The following PPP1R12B variants were observed in gnomAD, a reference collection of about 807,000 sequenced individuals.
PPP1R12B encodes the protein protein phosphatase 1 regulatory subunit 12B.
In PPP1R12B, 76 loss-of-function variants were observed where a neutral mutation model predicts 126.1. The ratio of observed to expected loss-of-function variants is 0.60; its 90% CI spans 0.50 to 0.73. The LOEUF (loss-of-function observed/expected upper bound fraction) is 0.73, where lower values mean the gene tolerates loss of function less well. PPP1R12B is among the 30% of genes least tolerant of loss of function. The probability of loss-of-function intolerance (pLI) is 0.00; values close to 1 mark genes in which losing one functional copy is unlikely to be tolerated. For synonymous variants in PPP1R12B, 356 were observed against 434.7 expected (o/e 0.82, Z 2.25); for missense variants, 1,052 against 1,205.1 (o/e 0.87, Z 1.88).
At chr1:202,534,606 A>G (rs1684342413) in intron 18 of PPP1R12B, among the ~76,000 whole-genome samples, 2 of 144,364 alleles carry the variant, frequency 1.4e-5, no homozygotes, top group South Asian at 4.3e-4. Context: ...TTCTCTAACA[A>G]TGAGAAACCT....
chr1:202,379,240 T>A (rs923026659), intron 1 of PPP1R12B, among the ~76,000 whole-genome samples: 2 of 152,200 alleles, frequency 1.3e-5, no homozygotes, highest in African/African-American at 4.8e-5. Context: ...TTTCTCTTCT[T>A]GAAAAGAAAT....
chr1:202,428,053 C>CT (rs1471454830), intron 5 of PPP1R12B, among the ~76,000 whole-genome samples: 4 of 150,668 alleles, frequency 2.7e-5, no homozygotes, highest in Non-Finnish European at 3.0e-5. Flanking sequence ...CAAGTGATTC[C>CT]CAGCCTTGCC....
intron 10 of PPP1R12B, chr1:202,438,865 G>C (rs1671207759): frequency 8.0e-7 from 1 of 1,252,676 alleles, no homozygotes; most frequent in African/African-American, 1.5e-5. Flanking sequence ...TCCATCTACT[G>C]CTATAGCCCC....
At chr1:202,514,975 A>C (rs1448975844) in intron 18 of PPP1R12B, among the ~76,000 whole-genome samples, 3 of 152,236 alleles carry the variant, frequency 2.0e-5, no homozygotes, top group Non-Finnish European at 2.9e-5. Context: ...AAAAAGAGTG[A>C]GATCATGTCT....
chr1:202,494,274 A>T (rs1224188655), intron 15 of PPP1R12B, among the ~76,000 whole-genome samples: 3 of 152,162 alleles, frequency 2.0e-5, no homozygotes, highest in Non-Finnish European at 4.4e-5. Flanking sequence ...CATTTTCTTA[A>T]TTTAATCCTC....
chr1:202,439,024 C>T (rs753091937), intron 10 of PPP1R12B: 208 of 1,383,390 alleles, frequency 1.5e-4, no homozygotes, highest in Non-Finnish European at 2.0e-4. Flanking sequence ...GCAGTGCCCA[C>T]TACCAGTGGG....
rs1679132165 is a variant in PPP1R12B, at chr1:202,493,298, GC to G, written c.2127del (p.Arg710GlyfsTer12). The G allele has an allele frequency of 6.2e-7, 1 of 1,612,152 alleles. No homozygotes were observed. The highest frequency in any genetic ancestry group is 8.5e-7 in the Non-Finnish European group (1 of 1,179,758). On this transcript the variant is annotated frameshift_variant, in exon 15 of 24. Coordinates refer to ENST00000608999, the MANE Select transcript of PPP1R12B (RefSeq NM_002481.4). LOFTEE classifies it high-confidence loss of function. ...TEAGEGQQPW[G>X]RSLDEEPICH... Reference sequence around the variant, plus strand: ...GCTGGGGAGGGCCAGCAGCCCTGGGGCAGGAGTCTGGATGAAGAGGTGAGCT... The same window carrying G: ...GCTGGGGAGGGCCAGCAGCCCTGGGGAGGAGTCTGGATGAAGAGGTGAGCT...
In PPP1R12B at chr1:202,422,439, G is replaced by A. The variant is rs1285466728; in HGVS notation, c.423-181G>A. 2.6e-5 allele frequency among the ~76,000 whole-genome samples: 4 copies of A among 152,136 alleles called. No individual in the cohort carries two copies. The East Asian group carries it at 7.7e-4, about 29-fold the overall frequency. ...TGGCATTGCTCTAGTCAGGAAATGG[G>A]GAAGCCTTCAGTCTTAATTATTGAA... On this transcript the variant is annotated intron_variant, in intron 2 of 23. Transcript: ENST00000608999.
intron 23 of PPP1R12B, among the ~76,000 whole-genome samples, chr1:202,574,275 T>G (rs1018530302): frequency 6.6e-6 from 1 of 152,130 alleles, no homozygotes; most frequent in South Asian, 2.1e-4. Flanking sequence ...TTTGGGAGGC[T>G]AAGGCAGGAG....
rs553608968 is a variant in PPP1R12B, at chr1:202,582,547, C to G, written c.*1987C>G. The G allele has an allele frequency of 3.3e-5, 5 of 152,598 alleles. No individual in the cohort carries two copies. In the South Asian group the frequency reaches 8.3e-4, roughly 25 times the overall value. The allele number at this position is 152,598 out of a possible 1,614,324, so 9.5% of individuals were successfully genotyped here. A position where few individuals can be genotyped will look rare whatever the true frequency, so the allele number is the denominator to read the frequency against. On this transcript the variant is annotated 3_prime_UTR_variant, in exon 24 of 24. Coordinates refer to ENST00000608999, the MANE Select transcript of PPP1R12B (RefSeq NM_002481.4). ...ATGACATGTAGCTCTCCATGGTCCTCCCTCTGAAACACCACATGCTGTTTA... is the reference window on the plus strand; with the variant it reads ...ATGACATGTAGCTCTCCATGGTCCTGCCTCTGAAACACCACATGCTGTTTA...
chr1:202,374,721 G>A (rs987051795), intron 1 of PPP1R12B, among the ~76,000 whole-genome samples: 1 of 151,066 alleles, frequency 6.6e-6, no homozygotes, highest in African/African-American at 2.4e-5. Context: ...GGCTGGCCTC[G>A]AACTCCTAAT....
At position 202,445,254 on chromosome 1, in the gene PPP1R12B, T is replaced by A. The variant is rs577571032; in HGVS notation, c.1667+2682T>A. The A allele has an allele frequency of 1.8e-4, 225 of 1,238,940 alleles. No individual in the cohort carries two copies. The African/African-American group carries it at 2.5e-3, about 14-fold the overall frequency. 76.7% of individuals were successfully genotyped at this position (1,238,940 alleles called of 1,614,324 possible). On this transcript the variant is annotated intron_variant, in intron 12 of 23. Coordinates refer to ENST00000608999, the MANE Select transcript of PPP1R12B (RefSeq NM_002481.4). ...GTAAGGCTTCTTGAAGCCATTTGAG[T>A]TGCATTCATCAAAGTTAATGGCTCT...
Position 202,580,584 on chromosome 1 carries a change from A to C in PPP1R12B, c.*24A>C. ...AGGCTAGGCTCCAGATTTATGAGGA[A>C]AGAAAGGGACAGCATTTGCTGCCCC... On this transcript the variant is annotated 3_prime_UTR_variant, in exon 24 of 24. Coordinates refer to ENST00000608999, the MANE Select transcript of PPP1R12B (RefSeq NM_002481.4). The C allele has an allele frequency of 6.3e-7, 1 of 1,584,168 alleles. No individual in the cohort carries two copies. Among genetic ancestry groups the C allele is most frequent in the Non-Finnish European group, 8.7e-7 (1 of 1,152,716 alleles).
intron 12 of PPP1R12B, among the ~76,000 whole-genome samples, chr1:202,447,239 T>C (rs1293110009): frequency 6.6e-6 from 1 of 152,234 alleles, no homozygotes; most frequent in African/African-American, 2.4e-5. Flanking sequence ...CCCCCTATTA[T>C]ATGAAGTATT....
At chr1:202,372,832 A>G (rs1353667980) in intron 1 of PPP1R12B, among the ~76,000 whole-genome samples, 2 of 152,172 alleles carry the variant, frequency 1.3e-5, no homozygotes, top group African/African-American at 2.4e-5. Context: ...GTTTTTAAAA[A>G]GTAGTAGTAG....
chr1:202,446,234 CTCTATA>C (rs1161835638), intron 12 of PPP1R12B, among the ~76,000 whole-genome samples: 36 of 88,370 alleles, frequency 4.1e-4, no homozygotes, highest in Non-Finnish European at 6.8e-4. Flanking sequence ...CTCTCTCTCT[CTCTATA>C]TATATATATA....
chr1:202,562,371 A>G (rs1446478069), intron 19 of PPP1R12B, among the ~76,000 whole-genome samples: 2 of 152,220 alleles, frequency 1.3e-5, no homozygotes, highest in Non-Finnish European at 2.9e-5. Context: ...CTCTAAGTCC[A>G]CATGTTTCTG....
At chr1:202,498,181 G>A (rs1263582866) in intron 18 of PPP1R12B, among the ~76,000 whole-genome samples, 4 of 152,172 alleles carry the variant, frequency 2.6e-5, no homozygotes, top group Non-Finnish European at 5.9e-5. Flanking sequence ...GTACTTCCTA[G>A]GGAATTTTAC....
intron 13 of PPP1R12B, among the ~76,000 whole-genome samples, chr1:202,469,005 C>T (rs753276171): frequency 6.6e-6 from 1 of 152,168 alleles, no homozygotes; most frequent in Non-Finnish European, 1.5e-5. Context: ...TGAACCAGTA[C>T]ACTATTGACC....
Sources: allele counts gnomAD v4.1 joint callset (sites outside exome capture counted in the v4.1 genomes callset), GRCh38; gene constraint gnomAD v4.1.1; transcripts MANE v1.5; gene names NCBI Gene and HGNC (gene_info 2026-07-23, HGNC 2026-07-21).